NALCN: variants seen among roughly 807,000 people sequenced by gnomAD.
NALCN encodes the protein sodium leak channel, non-selective.
Under a neutral mutation model 225.3 loss-of-function variants are expected in NALCN, and 111 were observed. That is an observed-to-expected ratio of 0.49 (90% confidence interval 0.42 to 0.58). The LOEUF (loss-of-function observed/expected upper bound fraction) is 0.58, where lower values mean the gene tolerates loss of function less well. NALCN is among the 20% of genes least tolerant of loss of function. NALCN has a pLI of 0.00. For synonymous variants in NALCN, 764 were observed against 769.0 expected, an observed-to-expected ratio of 0.99 and a Z score of 0.11; for missense variants, 1,378 against 2,202.4, an observed-to-expected ratio of 0.63 and a Z score of 7.49.
chr13:101,064,218 C>T (rs533375640), intron 40 of NALCN, among the ~76,000 whole-genome samples: 20 of 152,228 alleles, frequency 1.3e-4, no homozygotes, highest in Admixed American at 3.3e-4. Flanking sequence ...ATTGCTAATG[C>T]GACTGTGGTT....
chr13:101,382,917 T>C (rs1255313898), intron 3 of NALCN, among the ~76,000 whole-genome samples: 1 of 152,190 alleles, frequency 6.6e-6, no homozygotes, highest in Non-Finnish European at 1.5e-5. Context: ...TCTTTTTATT[T>C]TCCCAGTGAA....
chr13:101,378,682 A>G, intron 3 of NALCN, 29 bp from the exon 4 acceptor site: 6 of 1,550,868 alleles, frequency 3.9e-6, no homozygotes, highest in Non-Finnish European at 5.3e-6. Flanking sequence ...TGGCATTATT[A>G]GGCAAAGCAA....
intron 2 of NALCN, among the ~76,000 whole-genome samples, chr13:101,397,037 G>A (rs2139496382): frequency 7.5e-6 from 1 of 134,144 alleles, no homozygotes; most frequent in African/African-American, 2.7e-5. Flanking sequence ...CTGCTTTGCA[G>A]TCCAAGAAGT....
chr13:101,265,020 A>G (rs545383298), intron 10 of NALCN, among the ~76,000 whole-genome samples: 2 of 152,324 alleles, frequency 1.3e-5, no homozygotes, highest in Non-Finnish European at 2.9e-5. Context: ...AAAGCAATGC[A>G]GCCTTGTTGA....
chr13:101,300,015 C>G (rs1193462071), intron 7 of NALCN, among the ~76,000 whole-genome samples: 1 of 149,350 alleles, frequency 6.7e-6, no homozygotes, highest in Non-Finnish European at 1.5e-5. Flanking sequence ...TTTAGTGTGA[C>G]ATAATTAAAA....
At chr13:101,110,521 G>C (rs2035370184) in intron 20 of NALCN, 98 bp downstream of exon 20, 1 of 1,280,388 alleles carries the variant, frequency 7.8e-7, no homozygotes, top group Non-Finnish European at 1.1e-6. Flanking sequence ...AGGAGACATG[G>C]GAATGCAGCA....
intron 6 of NALCN, among the ~76,000 whole-genome samples, chr13:101,345,672 C>CTCTT (rs1270183878): frequency 1.5e-5 from 2 of 133,762 alleles, no homozygotes; most frequent in African/African-American, 3.1e-5. Flanking sequence ...GAGACCTTTG[C>CTCTT]TCTTTCTATC....
intron 15 of NALCN, among the ~76,000 whole-genome samples, chr13:101,168,352 T>C (rs546222890): frequency 1.3e-5 from 2 of 152,284 alleles, no homozygotes; most frequent in South Asian, 4.1e-4. Context: ...TCCATAGACA[T>C]TGTCTCATAG....
chr13:101,336,675 T>G (rs562449648), intron 7 of NALCN, among the ~76,000 whole-genome samples: 2 of 152,332 alleles, frequency 1.3e-5, no homozygotes, highest in South Asian at 2.1e-4. Context: ...TAAAGAAAAC[T>G]AATAAGGTAA....
At chr13:101,168,409 C>CG (rs2038557045) in intron 15 of NALCN, among the ~76,000 whole-genome samples, 1 of 151,988 alleles carries the variant, frequency 6.6e-6, no homozygotes, top group Admixed American at 6.6e-5. Flanking sequence ...CTTCTTCCCC[C>CG]GAAAAAAAAC....
At chr13:101,293,477 C>A (rs571350840) in intron 7 of NALCN, among the ~76,000 whole-genome samples, 4 of 152,138 alleles carry the variant, frequency 2.6e-5, no homozygotes, top group Non-Finnish European at 5.9e-5. Flanking sequence ...AACTGGTAAA[C>A]ATTTGTACCT....
At chr13:101,209,293 G>C (rs898743605) in intron 13 of NALCN, among the ~76,000 whole-genome samples, 1 of 152,172 alleles carries the variant, frequency 6.6e-6, no homozygotes, top group East Asian at 1.9e-4. Context: ...ATGTCTTTCT[G>C]GACTTGATCA....
chr13:101,410,494 C>G (rs1229993792), intron 1 of NALCN, among the ~76,000 whole-genome samples: 1 of 152,164 alleles, frequency 6.6e-6, no homozygotes, highest in Non-Finnish European at 1.5e-5. Flanking sequence ...CCTCAGAAAT[C>G]TTCAGAATTT....
At chr13:101,344,794 C>CT (rs1195169167) in intron 7 of NALCN, among the ~76,000 whole-genome samples, 3 of 152,164 alleles carry the variant, frequency 2.0e-5, no homozygotes, top group African/African-American at 7.2e-5. Context: ...TGCATATTCA[C>CT]TAAGTAGTTC....
intron 10 of NALCN, among the ~76,000 whole-genome samples, chr13:101,267,327 A>G (rs2042630172): frequency 6.6e-6 from 1 of 152,228 alleles, no homozygotes; most frequent in East Asian, 1.9e-4. Context: ...AGCACCAGTA[A>G]TGGCTGGTGT....
At chr13:101,406,034 G>C (rs1273942177) in intron 1 of NALCN, among the ~76,000 whole-genome samples, 1 of 151,964 alleles carries the variant, frequency 6.6e-6, no homozygotes, top group African/African-American at 2.4e-5. Flanking sequence ...TACATTTTCA[G>C]GCCATGTGTG....
intron 10 of NALCN, among the ~76,000 whole-genome samples, chr13:101,281,859 T>C (rs1296227123): frequency 1.3e-5 from 2 of 152,070 alleles, no homozygotes; most frequent in Admixed American, 6.6e-5. Context: ...TCTGAGTAGA[T>C]TTTTTTCCAA....
chr13:101,065,288 A>G, intron 40 of NALCN, 116 bp downstream of exon 40: 8 of 1,119,858 alleles, frequency 7.1e-6, no homozygotes, highest in Non-Finnish European at 1.0e-5. Flanking sequence ...TCACGACCAC[A>G]GCAGATGTGG....
chr13:101,336,621 T>TA (rs1200154110), intron 7 of NALCN, among the ~76,000 whole-genome samples: 1 of 152,204 alleles, frequency 6.6e-6, no homozygotes, highest in African/African-American at 2.4e-5. Context: ...TCTTATCTAA[T>TA]ATTTTAAGGA....
Sources: allele counts gnomAD v4.1 joint callset (sites outside exome capture counted in the v4.1 genomes callset), GRCh38; gene constraint gnomAD v4.1.1; transcripts MANE v1.5; gene names NCBI Gene and HGNC (gene_info 2026-07-23, HGNC 2026-07-21).